GOLGB1: variants seen among roughly 807,000 people sequenced by gnomAD.
The protein encoded by GOLGB1 is golgin B1.
A neutral mutation model predicts 336.9 loss-of-function variants in GOLGB1; 174 were observed. The ratio of observed to expected loss-of-function variants is 0.52; its 90% CI spans 0.46 to 0.59. The LOEUF (loss-of-function observed/expected upper bound fraction) is 0.59. Ranked by LOEUF, GOLGB1 falls within the 20% of genes least tolerant of loss-of-function variation. The pLI, the probability that GOLGB1 is intolerant of heterozygous loss-of-function variation, is 0.00. For missense variants in GOLGB1, 3,331 were observed against 3,645.3 expected (o/e 0.91, Z 2.22); for synonymous variants, 1,208 against 1,289.2 (o/e 0.94, Z 1.35).
chr3:121,678,019 T>G (rs1013424840), intron 15 of GOLGB1, among the ~76,000 whole-genome samples: 3 of 152,242 alleles, frequency 2.0e-5, no homozygotes, highest in African/African-American at 7.2e-5. Flanking sequence ...GCAATTTATC[T>G]TTTCTCTTGA....
intron 1 of GOLGB1, among the ~76,000 whole-genome samples, chr3:121,748,119 C>A (rs1041641750): frequency 6.6e-6 from 1 of 152,092 alleles, no homozygotes; most frequent in Non-Finnish European, 1.5e-5. Flanking sequence ...TTCTAAAGAT[C>A]ATGTTTAAGA....
At position 121,691,460 on chromosome 3, in the gene GOLGB1, T is replaced by C. The variant is rs769861496; in HGVS notation, c.7904A>G (p.Tyr2635Cys). The change falls in exon 14 of 22, where the codon TAT (tyrosine) becomes TGT (cysteine). Residue 2635 changes from tyrosine (Y) to cysteine (C), a missense_variant. Physicochemically the swap from Tyr to Cys is radical, Grantham distance 194 (BLOSUM62 -2). Transcript: ENST00000614479. ...TTCTTTTACTTTTAACTGGGCATGA[T>C]AGAGTCCTAAAGTACCTTCTTCTTG... ...ALQEEGTLGLYHAQLKVKEEE... is the reference protein window; with the variant it reads ...ALQEEGTLGLCHAQLKVKEEE... 65 of 1,613,736 alleles carry C rather than the reference T, an allele frequency of 4.0e-5. No homozygotes were observed. The highest frequency in any genetic ancestry group is 4.7e-5 in the Non-Finnish European group (56 of 1,180,008).
rs897257867 is a variant in GOLGB1 at position 121,697,314 on chromosome 3, G to A, written c.3209C>T (p.Thr1070Ile). 1.7e-5 allele frequency: 27 copies of A among 1,613,240 alleles called. No homozygotes were observed. The Admixed American group carries it at 4.2e-4, about 25-fold the overall frequency. Reference sequence around the variant, plus strand: ...TAGTTCCACTTCTTTCTCAGATATTGTCTGTTTTAAATAAATTTCTATTTC... The same window carrying A: ...TAGTTCCACTTCTTTCTCAGATATTATCTGTTTTAAATAAATTTCTATTTC... The part of the protein sequence containing the change: ...CQEIEIYLKQ[T>I]ISEKEVELQH... Residue 1070 changes from threonine to isoleucine, a missense_variant, in exon 13 of 22, where the codon ACA (threonine) becomes ATA (isoleucine). Physicochemically the swap from Thr to Ile is moderately conservative, Grantham distance 89. Coordinates refer to ENST00000614479, the MANE Select transcript of GOLGB1 (RefSeq NM_001366282.2).
At chr3:121,708,581 T>C (rs1460325195) in intron 10 of GOLGB1, among the ~76,000 whole-genome samples, 1 of 152,118 alleles carries the variant, frequency 6.6e-6, no homozygotes, top group East Asian at 1.9e-4. Context: ...TATAGTGAGC[T>C]GTGATCATGT....
intron 10 of GOLGB1, among the ~76,000 whole-genome samples, chr3:121,710,411 A>C (rs570479804): frequency 1.3e-5 from 2 of 152,330 alleles, no homozygotes; most frequent in African/African-American, 4.8e-5. Context: ...TATCCTTCAT[A>C]AATAAGAACA....
At chr3:121,736,179 C>T (rs1318396099) in intron 1 of GOLGB1, among the ~76,000 whole-genome samples, 6 of 151,858 alleles carry the variant, frequency 4.0e-5, no homozygotes, top group Non-Finnish European at 8.8e-5. Context: ...AAAAGAATTC[C>T]AAATAATTTA....
intron 16 of GOLGB1, 78 bp from the exon 17 acceptor site, chr3:121,677,108 C>T (rs1576287126): frequency 9.0e-6 from 14 of 1,559,324 alleles, no homozygotes; most frequent in Non-Finnish European, 1.1e-5. Flanking sequence ...AAATCCTGTC[C>T]GCCCCATAGA....
chr3:121,747,009 T>C (rs187596947), intron 1 of GOLGB1, among the ~76,000 whole-genome samples: 1 of 151,268 alleles, frequency 6.6e-6, no homozygotes, highest in Non-Finnish European at 1.5e-5. Flanking sequence ...AAAGGCACTA[T>C]GTTAATAGTT....
intron 1 of GOLGB1, among the ~76,000 whole-genome samples, chr3:121,739,443 G>C (rs1423934796): frequency 2.0e-5 from 3 of 151,728 alleles, no homozygotes; most frequent in Non-Finnish European, 4.4e-5. Context: ...GAACTAAAAG[G>C]CATTAAAAAT....
chr3:121,664,304 C>A lies in GOLGB1; in HGVS notation c.*176G>T. Reference sequence around the variant, plus strand: ...AGTAGAAGAAAGCAGACTCGCCAGTCCCTGCAGCTCCAACCTGTCCTCGTA... The same window carrying A: ...AGTAGAAGAAAGCAGACTCGCCAGTACCTGCAGCTCCAACCTGTCCTCGTA... On this transcript the variant is annotated 3_prime_UTR_variant, in exon 22 of 22. Coordinates refer to ENST00000614479, the MANE Select transcript of GOLGB1 (RefSeq NM_001366282.2). 3.2e-6 allele frequency: 2 copies of A among 624,366 alleles called. No homozygotes were observed. The allele number at this position is 624,366 out of a possible 1,614,324, so 38.7% of individuals were successfully genotyped here. A position where few individuals can be genotyped will look rare whatever the true frequency, so the allele number is the denominator to read the frequency against.
At chr3:121,725,707 C>T (rs1945537741) in intron 5 of GOLGB1, among the ~76,000 whole-genome samples, 1 of 151,998 alleles carries the variant, frequency 6.6e-6, no homozygotes, top group Admixed American at 6.6e-5. Flanking sequence ...TGACAAGAGG[C>T]CTTTAAGAAA....
chr3:121,733,760 G>T (rs998527384), intron 1 of GOLGB1, among the ~76,000 whole-genome samples: 2 of 152,124 alleles, frequency 1.3e-5, no homozygotes, highest in Admixed American at 1.3e-4. Flanking sequence ...TACAAATCGA[G>T]TCAACTGATT....
intron 14 of GOLGB1, among the ~76,000 whole-genome samples, chr3:121,686,047 C>T (rs1941688430): frequency 6.6e-6 from 1 of 152,156 alleles, no homozygotes; most frequent in South Asian, 2.1e-4. Flanking sequence ...GGACGTAATT[C>T]TTTTGCTCTG....
chr3:121,724,106 T>A (rs1411540204), intron 5 of GOLGB1, among the ~76,000 whole-genome samples: 2 of 152,132 alleles, frequency 1.3e-5, no homozygotes, highest in Non-Finnish European at 2.9e-5. Flanking sequence ...TGATAATGAT[T>A]ATTTGAAAAT....
rs372673093 is a variant in GOLGB1, at chr3:121,695,416, G to A, written c.5107C>T (p.Arg1703Trp). 3.8e-5 allele frequency: 62 copies of A among 1,613,896 alleles called. No homozygotes were observed. The highest frequency in any genetic ancestry group is 1.7e-4 in the Middle Eastern group (1 of 6,060). ...GCAGGGTGCACCTCTGCCCTAAGCC[G>A]GTCATTCTCTTCTTCCAGCTCTAGG... ...KILELEEEND[R>W]LRAEVHPAGD... The change falls in exon 13 of 22, where the codon CGG becomes TGG. Residue 1703 changes from arginine (R) to tryptophan (W), a missense_variant. Transcript: ENST00000614479.
chr3:121,688,280 TC>T (rs1941979678), intron 14 of GOLGB1, among the ~76,000 whole-genome samples: 1 of 152,086 alleles, frequency 6.6e-6, no homozygotes, highest in East Asian at 1.9e-4. Context: ...CACTGCAACC[TC>T]CCTCCCTGAT....
Position 121,726,962 on chromosome 3 carries a change from C to T in GOLGB1, c.482G>A (p.Ser161Asn). ...CTGAGTAAGCTGGGCTTGCAAAGTG[C>T]TGATTAGTTCCTCCTTCTCCTGGAG... is the stretch of plus-strand genomic sequence containing the variant. ...HKLQEKEELI[S>N]TLQAQLTQAQ... Residue 161 changes from serine to asparagine, a missense_variant, in exon 5 of 22, where the codon AGC becomes AAC. Transcript: ENST00000614479. 1 of 1,605,464 alleles carries T rather than the reference C, an allele frequency of 6.2e-7. No homozygotes were observed. The highest frequency in any genetic ancestry group is 1.1e-5 in the South Asian group (1 of 90,312).
intron 14 of GOLGB1, among the ~76,000 whole-genome samples, chr3:121,688,880 G>A (rs147220330): frequency 0.34 from 50,731 of 147,276 alleles, 9,200 homozygotes; most frequent in Non-Finnish European, 0.42. Flanking sequence ...CAGCCGCCCC[G>A]TCTGAGAAGT....
At chr3:121,707,600 T>C (rs1208092847) in intron 10 of GOLGB1, among the ~76,000 whole-genome samples, 1 of 150,078 alleles carries the variant, frequency 6.7e-6, no homozygotes, top group Non-Finnish European at 1.5e-5. Flanking sequence ...GCCACTGCAC[T>C]GTAGCCTGGG....
Sources: gnomAD v4.1 joint callset for allele counts (sites outside exome capture counted in the v4.1 genomes callset) on GRCh38, gnomAD v4.1.1 for gene constraint, MANE v1.5 for transcripts, NCBI Gene and HGNC (gene_info 2026-07-23, HGNC 2026-07-21) for gene names.